The following TAF6L variants were observed in gnomAD, a reference collection of about 807,000 sequenced individuals.
TAF6L encodes the protein TAF6-like RNA polymerase II p300/CBP-associated factor-associated factor 65 kDa subunit 6L.
TAF6L carries 34 observed loss-of-function variants against 57.3 expected under a neutral mutation model. The ratio of observed to expected loss-of-function variants is 0.59; its 90% confidence interval spans 0.45 to 0.79. TAF6L has a LOEUF of 0.79. Among genes scored for constraint, TAF6L ranks in the 30% least tolerant of loss-of-function variants. The probability of loss-of-function intolerance (pLI) is 0.00; values close to 1 mark genes in which losing one functional copy is unlikely to be tolerated. For synonymous variants in TAF6L, 417 were observed against 376.3 expected (o/e 1.11, Z -1.25); for missense variants, 782 against 853.2 (o/e 0.92, Z 1.04).
In TAF6L at chr11:62,787,248, C is replaced by T. The variant is rs748217982; in HGVS notation, c.1821C>T (p.Pro607=). 22 of 1,567,580 alleles carry T rather than the reference C, an allele frequency of 1.4e-5. No individual in the cohort carries two copies. Among genetic ancestry groups the T allele is most frequent in the East Asian group, 9.3e-5 (4 of 42,906 alleles). Residue 607 remains proline, a synonymous_variant, in exon 11 of 11, where the codon CCC becomes CCT. Coordinates refer to ENST00000294168, the MANE Select transcript of TAF6L (RefSeq NM_006473.4). The part of the protein sequence containing the change: ...KLPMIGRTSR[P]ARRWALSDYS... ...CCATGATCGGCCGTACCAGCCGCCCCGCCCGCCGGTGGGCGCTCTCGGACT... is the reference window on the plus strand; with the variant it reads ...CCATGATCGGCCGTACCAGCCGCCCTGCCCGCCGGTGGGCGCTCTCGGACT...
intron 5 of TAF6L, chr11:62,778,596 C>T: frequency 1.6e-6 from 1 of 616,726 alleles, no homozygotes; most frequent in Non-Finnish European, 2.9e-6. Flanking sequence ...GTTTCACCCC[C>T]AGGGTATGCT....
At chr11:62,778,457 A>G (rs2084203337) in intron 5 of TAF6L, 122 bp downstream of exon 5, 14 of 1,247,172 alleles carry the variant, frequency 1.1e-5, no homozygotes, top group Admixed American at 3.9e-5. Context: ...GCCTTGTGCC[A>G]TGGTCTGAGT....
intron 3 of TAF6L, 103 bp from the exon 4 acceptor site, chr11:62,777,875 T>G: frequency 1.4e-6 from 2 of 1,391,250 alleles, no homozygotes; most frequent in Non-Finnish European, 1.9e-6. Context: ...TGGACTTCCT[T>G]CAAACGTGGG....
chr11:62,782,698 A>G lies in TAF6L; in HGVS notation c.833A>G (p.His278Arg). ...ALLLSHIFWT[H>R]GDLVSGLYQH... Reference sequence around the variant, plus strand: ...ACTGAATGGTGCTCCCACAGGACTCATGGGGACCTTGTAAGTGGCCTCTAT... The same window carrying G: ...ACTGAATGGTGCTCCCACAGGACTCGTGGGGACCTTGTAAGTGGCCTCTAT... The change falls in exon 9 of 11, where the codon CAT (histidine) becomes CGT (arginine). Residue 278 changes from histidine to arginine, a missense_variant. Transcript: ENST00000294168. 1 of 1,612,146 alleles carries G rather than the reference A, an allele frequency of 6.2e-7. No individual in the cohort carries two copies. The highest frequency in any genetic ancestry group is 1.7e-5 in the Admixed American group (1 of 60,000).
intron 9 of TAF6L, 137 bp from the exon 10 acceptor site, chr11:62,786,123 A>C (rs2084272450): frequency 9.3e-7 from 1 of 1,079,662 alleles, no homozygotes; most frequent in East Asian, 2.4e-5. Flanking sequence ...ATATGGTTGA[A>C]TATGCCAATC....
rs2584916 is a variant in TAF6L at position 62,787,342 on chromosome 11, A to T, written c.*46A>T. On this transcript the variant is annotated 3_prime_UTR_variant, in exon 11 of 11. Coordinates refer to ENST00000294168, the MANE Select transcript of TAF6L (RefSeq NM_006473.4). ...TTGTAAATAAATCCCGCCCCCGGAA[A>T]TGACGTCTCCACCTTCGTGGGTCGC... 1 of 1,523,876 alleles carries T rather than the reference A, an allele frequency of 6.6e-7. No homozygotes were observed. The highest frequency in any genetic ancestry group is 8.7e-7 in the Non-Finnish European group (1 of 1,143,350). 94.4% of individuals were successfully genotyped at this position (1,523,876 alleles called of 1,614,324 possible). A position where few individuals can be genotyped will look rare whatever the true frequency, so the allele number is the denominator to read the frequency against.
In TAF6L at chr11:62,775,822, TC is replaced by T; in HGVS notation, c.40del (p.Arg14GlyfsTer15). 6.2e-7 allele frequency: 1 copy of T among 1,612,568 alleles called. No homozygotes were observed. Among genetic ancestry groups the T allele is most frequent in the East Asian group, 2.2e-5 (1 of 44,870 alleles). On this transcript the variant is annotated frameshift_variant, in exon 2 of 11. Transcript: ENST00000294168. LOFTEE classifies it high-confidence loss of function. ...REERRFVEIPRESVRLMAEST... is the reference protein window; with the variant it reads ...REERRFVEIPXESVRLMAEST... ...AAGAGCGGCGGTTTGTGGAGATCCCTCGGGAGTCTGTCCGGCTCATGGCGGA... is the reference window on the plus strand; with the variant it reads ...AAGAGCGGCGGTTTGTGGAGATCCCTGGGAGTCTGTCCGGCTCATGGCGGA...
rs1325299760 is a variant in TAF6L, at chr11:62,776,377, CT to C, written c.148-6del. 1 of 1,613,174 alleles carries C rather than the reference CT, an allele frequency of 6.2e-7. No homozygotes were observed. The highest frequency in any genetic ancestry group is 1.3e-5 in the African/African-American group (1 of 74,908). On this transcript the variant is annotated splice_polypyrimidine_tract_variant and splice_region_variant and intron_variant, in intron 2 of 10. Transcript: ENST00000294168. ...TTTGACTCTGGCTTTTGTTCCCTCC[CT>C]CCCAGAATAGCTCTCAGTTCATGAA...
chr11:62,778,413 C>T (rs753760187), intron 5 of TAF6L, 78 bp downstream of exon 5: 48 of 1,530,026 alleles, frequency 3.1e-5, no homozygotes, highest in South Asian at 6.8e-5. Flanking sequence ...TATGTGCCCC[C>T]GAGTCTGCGT....
At chr11:62,782,025 G>A (rs1356678900) in intron 7 of TAF6L, 57 bp downstream of exon 7, 1 of 1,602,864 alleles carries the variant, frequency 6.2e-7, no homozygotes, top group Non-Finnish European at 8.5e-7. Flanking sequence ...TGACCCAGCA[G>A]GTGTAGGGCT....
At chr11:62,781,993 A>G (rs377230261) in intron 7 of TAF6L, 25 bp downstream of exon 7, 24 of 1,612,686 alleles carry the variant, frequency 1.5e-5, no homozygotes, top group Non-Finnish European at 1.9e-5. Flanking sequence ...TGGGACAGGG[A>G]GAATGTTTTA....
chr11:62,785,123 G>A (rs1483064176), intron 9 of TAF6L, among the ~76,000 whole-genome samples: 1 of 148,376 alleles, frequency 6.7e-6, no homozygotes, highest in East Asian at 2.0e-4. Flanking sequence ...CAAGCGTGAG[G>A]CACTGCACCT....
intron 2 of TAF6L, among the ~76,000 whole-genome samples, 199 bp downstream of exon 2, chr11:62,776,129 G>A (rs2084186552): frequency 6.6e-6 from 1 of 152,210 alleles, no homozygotes; most frequent in South Asian, 2.1e-4. Flanking sequence ...CTTCCCATGT[G>A]CTCCTCACAA....
chr11:62,784,281 G>A (rs2084253457), intron 9 of TAF6L, among the ~76,000 whole-genome samples: 1 of 140,656 alleles, frequency 7.1e-6, no homozygotes, highest in Non-Finnish European at 1.5e-5. Flanking sequence ...AGCCACCGGT[G>A]CCTGGCCATA....
intron 7 of TAF6L, 29 bp from the exon 8 acceptor site, chr11:62,782,084 C>T: frequency 6.3e-7 from 1 of 1,591,354 alleles, no homozygotes; most frequent in Non-Finnish European, 8.6e-7. Context: ...CCCCTCATGT[C>T]CCTGTAAGCT....
chr11:62,777,900 C>T, intron 3 of TAF6L, 78 bp from the exon 4 acceptor site: 2 of 1,531,366 alleles, frequency 1.3e-6, no homozygotes, highest in Non-Finnish European at 1.8e-6. Context: ...CTGCTCTGGT[C>T]AGTGGAGCCT....
At chr11:62,779,970 A>ATTTTTTTTT (rs1263442687) in intron 6 of TAF6L, among the ~76,000 whole-genome samples, 1 of 64,414 alleles carries the variant, frequency 1.6e-5, no homozygotes, top group African/African-American at 4.5e-5. Flanking sequence ...ATATATATAT[A>ATTTTTTTTT]TATATATTTT....
rs77121359 is a variant in TAF6L at position 62,772,015 on chromosome 11, A to G, written c.-14+525A>G. 2,853 of 446,338 alleles carry G rather than the reference A, an allele frequency of 6.4e-3. 60 individuals are homozygous for G. Among genetic ancestry groups the G allele is most frequent in the African/African-American group, 0.051 (2,514 of 49,654 alleles). 27.6% of individuals were successfully genotyped at this position (446,338 alleles called of 1,614,324 possible). On this transcript the variant is annotated intron_variant, in intron 1 of 10. Coordinates refer to ENST00000294168, the MANE Select transcript of TAF6L (RefSeq NM_006473.4). Reference sequence around the variant, plus strand: ...CTGGCGGCTCCTGAATGCGGTATAGAGTAAAGATTAGGAGCAAGGGGTTGA... The same window carrying G: ...CTGGCGGCTCCTGAATGCGGTATAGGGTAAAGATTAGGAGCAAGGGGTTGA...
rs937694861 is a variant in TAF6L at position 62,776,422 on chromosome 11, G to A, written c.186G>A (p.Lys62=). 1.1e-5 allele frequency: 18 copies of A among 1,613,880 alleles called. No individual in the cohort carries two copies. The highest frequency in any genetic ancestry group is 1.5e-5 in the Non-Finnish European group (18 of 1,179,844). ...TCATGAAGCACACCAAACGCCGGAA[G>A]CTGACGGTTGAGGACTTCAACAGGG... ...SQFMKHTKRR[K]LTVEDFNRAL... The change falls in exon 3 of 11, where the codon AAG becomes AAA. Residue 62 remains lysine (K), a synonymous_variant. Transcript: ENST00000294168.
Sources: allele counts gnomAD v4.1 joint callset (sites outside exome capture counted in the v4.1 genomes callset), GRCh38; gene constraint gnomAD v4.1.1; transcripts MANE v1.5; gene names NCBI Gene and HGNC (gene_info 2026-07-23, HGNC 2026-07-21).